The following RGS6 variants were observed in gnomAD, a reference collection of about 807,000 sequenced individuals.
RGS6 encodes the protein regulator of G protein signaling 6, also known as regulator of G-protein signaling 6.
A neutral mutation model predicts 78.5 loss-of-function variants in RGS6; 30 were observed. The observed-to-expected ratio is 0.38, with a 90% confidence interval of 0.29 to 0.52. The LOEUF is 0.52. Ranked by LOEUF, RGS6 falls within the 20% of genes least tolerant of loss-of-function variation. RGS6 has a pLI of 0.85. For synonymous variants in RGS6, 206 were observed against 206.0 expected, an observed-to-expected ratio of 1.00 and a Z score of 0.00; for missense variants, 495 against 609.7, an observed-to-expected ratio of 0.81 and a Z score of 1.98.
At chr14:72,082,670 T>TA (rs10716211) in intron 2 of RGS6, among the ~76,000 whole-genome samples, 86 of 152,010 alleles carry the variant, frequency 5.7e-4, no homozygotes, top group Non-Finnish European at 5.0e-4. Flanking sequence ...CAATTATAAA[T>TA]AAAAAATTAT....
chr14:71,935,043 T>G (rs2088814843), intron 1 of RGS6, among the ~76,000 whole-genome samples: 1 of 152,228 alleles, frequency 6.6e-6, no homozygotes, highest in African/African-American at 2.4e-5. Context: ...GGAATGCATT[T>G]AACCTCTTCA....
chr14:71,996,129 A>T (rs1295091142), intron 2 of RGS6, among the ~76,000 whole-genome samples: 1 of 150,266 alleles, frequency 6.7e-6, no homozygotes, highest in East Asian at 2.0e-4. Context: ...AAATCCAGGC[A>T]GCAAGTCGGG....
intron 2 of RGS6, among the ~76,000 whole-genome samples, chr14:72,145,730 G>C (rs1413934507): frequency 1.3e-5 from 2 of 152,156 alleles, no homozygotes; most frequent in Non-Finnish European, 2.9e-5. Context: ...TGATCCACCT[G>C]CCTTGGCCTC....
chr14:72,197,215 G>A (rs567447473), intron 2 of RGS6, among the ~76,000 whole-genome samples: 51 of 152,182 alleles, frequency 3.4e-4, no homozygotes, highest in African/African-American at 1.1e-3. Context: ...ACAGGTGCAC[G>A]CCACCATGCC....
chr14:71,991,286 C>A (rs2094942971), intron 2 of RGS6, among the ~76,000 whole-genome samples: 1 of 152,170 alleles, frequency 6.6e-6, no homozygotes, highest in African/African-American at 2.4e-5. Flanking sequence ...GGCGGCTGTC[C>A]ACATCATGTA....
chr14:72,305,626 A>G (rs2067065592), intron 2 of RGS6, among the ~76,000 whole-genome samples: 1 of 152,134 alleles, frequency 6.6e-6, no homozygotes, highest in African/African-American at 2.4e-5. Flanking sequence ...TAAGATGGAG[A>G]ACTTAATAAA....
intron 2 of RGS6, among the ~76,000 whole-genome samples, chr14:72,006,751 T>C (rs899154307): frequency 6.6e-6 from 1 of 152,252 alleles, no homozygotes; most frequent in East Asian, 1.9e-4. Flanking sequence ...AGTTTTAGGA[T>C]AGTTTATTAT....
At chr14:72,590,534 CG>C in the RGS6 span, among the ~76,000 whole-genome samples, 1 of 152,132 alleles carries the variant, frequency 6.6e-6, no homozygotes, top group East Asian at 1.9e-4. Context: ...AAGACGTACC[CG>C]TAAGTTCCCT....
At chr14:72,567,384 T>C (rs1410430018), downstream of RGS6, among the ~76,000 whole-genome samples, 1 of 152,230 alleles carries the variant, frequency 6.6e-6, no homozygotes, top group Non-Finnish European at 1.5e-5. Context: ...AAGCTGCGCC[T>C]GCCTTCTCAG....
intron 3 of RGS6, among the ~76,000 whole-genome samples, chr14:72,411,729 G>C (rs2093426278): frequency 6.6e-6 from 1 of 152,254 alleles, no homozygotes; most frequent in South Asian, 2.1e-4. Context: ...TTATTATTTT[G>C]AGATACATCC....
chr14:72,265,576 C>G (rs1362494797), intron 2 of RGS6, among the ~76,000 whole-genome samples: 1 of 152,156 alleles, frequency 6.6e-6, no homozygotes, highest in Non-Finnish European at 1.5e-5. Flanking sequence ...ACCCCCTTCC[C>G]ATTAACTCTA....
At chr14:71,872,645 C>A in the RGS6 span, among the ~76,000 whole-genome samples, 1 of 151,990 alleles carries the variant, frequency 6.6e-6, no homozygotes. Flanking sequence ...AATAATTATA[C>A]TTCTTTTTAT....
At chr14:71,984,382 C>T (rs71427144) in intron 2 of RGS6, among the ~76,000 whole-genome samples, 24,495 of 146,770 alleles carry the variant, frequency 0.17, 2,300 homozygotes, top group Non-Finnish European at 0.2. Context: ...TGGTGGCTTG[C>T]ATCTGTAGTC....
At chr14:71,889,242 C>T in the RGS6 span, among the ~76,000 whole-genome samples, 5 of 151,848 alleles carry the variant, frequency 3.3e-5, no homozygotes, top group East Asian at 1.9e-4. Context: ...GGAGGAAGGG[C>T]GTTCTGGGTT....
chr14:72,508,312 C>A (rs74063462), intron 13 of RGS6, among the ~76,000 whole-genome samples: 1 of 151,966 alleles, frequency 6.6e-6, no homozygotes, highest in African/African-American at 2.4e-5. Context: ...AGCTGCATAC[C>A]AATATAGTAG....
chr14:71,960,568 C>T (rs140829384), intron 1 of RGS6, among the ~76,000 whole-genome samples: 123 of 152,278 alleles, frequency 8.1e-4, no homozygotes, highest in South Asian at 1.5e-3. Flanking sequence ...TGAACCCCAA[C>T]GATAAAGTCC....
At chr14:72,226,057 G>A (rs978462040) in intron 2 of RGS6, among the ~76,000 whole-genome samples, 1 of 152,156 alleles carries the variant, frequency 6.6e-6, no homozygotes, top group Non-Finnish European at 1.5e-5. Flanking sequence ...ATTCCTCAGA[G>A]TTTAAGGGTG....
At chr14:72,599,523 C>T in the RGS6 span, among the ~76,000 whole-genome samples, 3 of 147,512 alleles carry the variant, frequency 2.0e-5, no homozygotes, top group East Asian at 4.0e-4. Context: ...ATTCTCCTGC[C>T]TCAACCTCCC....
chr14:72,526,985 A>T (rs1679594329), intron 15 of RGS6, among the ~76,000 whole-genome samples: 1 of 152,160 alleles, frequency 6.6e-6, no homozygotes, highest in Non-Finnish European at 1.5e-5. Flanking sequence ...GAAAGGTGAG[A>T]CTCAAGGATA....
Sources: gnomAD v4.1 joint callset for allele counts (sites outside exome capture counted in the v4.1 genomes callset) on GRCh38, gnomAD v4.1.1 for gene constraint, MANE v1.5 for transcripts, NCBI Gene and HGNC (gene_info 2026-07-23, HGNC 2026-07-21) for gene names.